Variants in HS6ST3 observed in about 807,000 individuals in gnomAD.
The protein encoded by HS6ST3 is heparan-sulfate 6-O-sulfotransferase 3.
A neutral mutation model predicts 36.7 loss-of-function variants in HS6ST3; 12 were observed. That is an observed-to-expected ratio of 0.33 (90% CI 0.21 to 0.53). The LOEUF is 0.53. Ranked by LOEUF, HS6ST3 falls within the 20% of genes least tolerant of loss-of-function variation. The pLI is 0.95. For missense variants in HS6ST3, 584 were observed against 640.9 expected, an observed-to-expected ratio of 0.91 and a Z score of 0.96; for synonymous variants, 240 against 257.5, an observed-to-expected ratio of 0.93 and a Z score of 0.65.
chr13:96,752,156 C>CAA (rs1330984140), intron 1 of HS6ST3, among the ~76,000 whole-genome samples: 1 of 152,004 alleles, frequency 6.6e-6, no homozygotes, highest in Non-Finnish European at 1.5e-5. Context: ...AACGGTATCA[C>CAA]AATCCGTGTA....
At position 96,456,204 on chromosome 13, in the gene HS6ST3, C is replaced by CT. The variant is rs2055753882; in HGVS notation, c.707+364635_707+364636insT. Among the ~76,000 whole-genome samples, 4 of 152,248 alleles carry CT rather than the reference C, an allele frequency of 2.6e-5. No homozygotes were observed. The South Asian group carries it at 8.3e-4, about 32-fold the overall frequency. On this transcript the variant is annotated intron_variant, in intron 1 of 1. Coordinates refer to ENST00000376705, the MANE Select transcript of HS6ST3 (RefSeq NM_153456.4). ...TCCAGGAATAGAATTACTGTATAATCACTGCTTTGTTATAATTACTGATGT... is the reference window on the plus strand; with the variant it reads ...TCCAGGAATAGAATTACTGTATAATCTACTGCTTTGTTATAATTACTGATGT...
intron 1 of HS6ST3, among the ~76,000 whole-genome samples, chr13:96,348,883 C>G (rs1031449180): frequency 6.6e-6 from 1 of 152,194 alleles, no homozygotes; most frequent in African/African-American, 2.4e-5. Context: ...TGTCCTTAGT[C>G]ACATGTGGCA....
At chr13:96,316,411 T>C (rs1245993385) in intron 1 of HS6ST3, among the ~76,000 whole-genome samples, 1 of 152,098 alleles carries the variant, frequency 6.6e-6, no homozygotes, top group African/African-American at 2.4e-5. Context: ...TTCCAAACTA[T>C]CCCAGGGTGC....
intron 1 of HS6ST3, among the ~76,000 whole-genome samples, chr13:96,811,094 G>A (rs945678851): frequency 3.3e-5 from 5 of 152,144 alleles, no homozygotes; most frequent in African/African-American, 1.2e-4. Flanking sequence ...CCCTAGACAG[G>A]TGAATCTTTT....
chr13:96,130,830 C>T (rs626317), intron 1 of HS6ST3, among the ~76,000 whole-genome samples: 124,499 of 152,090 alleles, frequency 0.82, 51,342 homozygotes, highest in East Asian at 0.91. Flanking sequence ...TCTGGAACTT[C>T]CTCCTTCAAT....
At chr13:96,245,179 C>G (rs1271248013) in intron 1 of HS6ST3, among the ~76,000 whole-genome samples, 1 of 152,108 alleles carries the variant, frequency 6.6e-6, no homozygotes, top group Non-Finnish European at 1.5e-5. Flanking sequence ...TGGGATTATT[C>G]TTGAACTCTC....
intron 1 of HS6ST3, among the ~76,000 whole-genome samples, chr13:96,248,568 A>G (rs1171885120): frequency 6.6e-6 from 1 of 152,198 alleles, no homozygotes; most frequent in African/African-American, 2.4e-5. Flanking sequence ...CAAACAGTTC[A>G]TTATGTGTTA....
Position 96,658,268 on chromosome 13 carries a change from C to CTTCTTTTTTTTTTTTTTTT in HS6ST3, c.708-174220_708-174219insCTTTTTTTTTTTTTTTTTT, listed in dbSNP as rs1566422902. ...TTCTTCTTCTTCTTCTCTTCTTCTT[C>CTTCTTTTTTTTTTTTTTTT]TTTTTTTTTTTTTTTTTTTTTTTTT... On this transcript the variant is annotated intron_variant, in intron 1 of 1. Transcript: ENST00000376705. Among the ~76,000 whole-genome samples the CTTCTTTTTTTTTTTTTTTT allele has an allele frequency of 1.4e-3, 105 of 76,110 alleles. 6 individuals carry two copies. The highest frequency in any genetic ancestry group is 2.1e-3 in the Non-Finnish European group (87 of 41,012). 49.9% of individuals were successfully genotyped at this position (76,110 alleles called of 152,430 possible).
intron 1 of HS6ST3, among the ~76,000 whole-genome samples, chr13:96,586,008 A>T (rs2056359706): frequency 6.6e-6 from 1 of 152,278 alleles, no homozygotes; most frequent in African/African-American, 2.4e-5. Flanking sequence ...TAATGGATGT[A>T]TTAATTACAT....
chr13:96,377,574 T>C (rs1437012292), intron 1 of HS6ST3, among the ~76,000 whole-genome samples: 1 of 152,152 alleles, frequency 6.6e-6, no homozygotes. Flanking sequence ...GCAGTAGTAT[T>C]GAGATTTTTT....
At chr13:96,393,861 C>T (rs2055408012) in intron 1 of HS6ST3, among the ~76,000 whole-genome samples, 1 of 152,114 alleles carries the variant, frequency 6.6e-6, no homozygotes, top group African/African-American at 2.4e-5. Context: ...GAAACTGAGC[C>T]ATCCAGAATT....
chr13:96,784,407 C>T (rs1294447077), intron 1 of HS6ST3, among the ~76,000 whole-genome samples: 3 of 152,080 alleles, frequency 2.0e-5, no homozygotes, highest in Admixed American at 2.0e-4. Context: ...AGGTAGAGAA[C>T]TGGATAAAGT....
At chr13:96,528,664 G>A (rs527539332) in intron 1 of HS6ST3, among the ~76,000 whole-genome samples, 18 of 152,170 alleles carry the variant, frequency 1.2e-4, no homozygotes, top group African/African-American at 4.1e-4. Flanking sequence ...AGGTTCATTC[G>A]TAAAGCTTCA....
chr13:96,173,206 G>A (rs1327619866), intron 1 of HS6ST3, among the ~76,000 whole-genome samples: 5 of 152,066 alleles, frequency 3.3e-5, no homozygotes, highest in African/African-American at 1.2e-4. Context: ...AGATAGTCAG[G>A]GATGTATCTC....
Position 96,150,710 on chromosome 13 carries a change from C to A in HS6ST3, c.707+59141C>A, listed in dbSNP as rs367559550. Among the ~76,000 whole-genome samples the A allele has an allele frequency of 7.2e-5, 11 of 152,230 alleles. No homozygotes were observed. The East Asian group carries it at 1.4e-3, about 19-fold the overall frequency. On this transcript the variant is annotated intron_variant, in intron 1 of 1. Coordinates refer to ENST00000376705, the MANE Select transcript of HS6ST3 (RefSeq NM_153456.4). ...TCCTGTCGCCGTAGGTCCCCTGTGA[C>A]TTTGAGCAGGATGCCCCAATTTTCT...
At chr13:96,716,565 T>C (rs1875700221) in intron 1 of HS6ST3, among the ~76,000 whole-genome samples, 3 of 152,192 alleles carry the variant, frequency 2.0e-5, no homozygotes, top group African/African-American at 7.2e-5. Context: ...AATATTTGTC[T>C]ATCATCTATT....
intron 1 of HS6ST3, among the ~76,000 whole-genome samples, chr13:96,798,557 G>T (rs563148147): frequency 1.5e-3 from 221 of 152,186 alleles, no homozygotes; most frequent in African/African-American, 5.0e-3. Flanking sequence ...ACATCACAGG[G>T]ATCCTATAGT....
chr13:96,119,982 G>A (rs562024649), intron 1 of HS6ST3, among the ~76,000 whole-genome samples: 14 of 152,202 alleles, frequency 9.2e-5, no homozygotes, highest in Non-Finnish European at 2.1e-4. Context: ...TAGTACTTCA[G>A]AATGTGACCT....
intron 1 of HS6ST3, among the ~76,000 whole-genome samples, chr13:96,189,323 A>C (rs551322224): frequency 7.3e-4 from 111 of 152,258 alleles, no homozygotes; most frequent in Middle Eastern, 3.4e-3. Flanking sequence ...AACAGAGTCA[A>C]CAATAGCAGA....
Sources: allele counts gnomAD v4.1 joint callset (sites outside exome capture counted in the v4.1 genomes callset), GRCh38; gene constraint gnomAD v4.1.1; transcripts MANE v1.5; gene names NCBI Gene and HGNC (gene_info 2026-07-23, HGNC 2026-07-21).